Variants in RBM26 observed in about 807,000 individuals in gnomAD.
RBM26 encodes the protein RNA-binding protein 26.
A neutral mutation model predicts 123.6 loss-of-function variants in RBM26; 30 were observed. The observed-to-expected ratio is 0.24, with a 90% CI of 0.18 to 0.33. The LOEUF (loss-of-function observed/expected upper bound fraction) is 0.33, where lower values mean the gene tolerates loss of function less well. Ranked by LOEUF, RBM26 falls within the 10% of genes least tolerant of loss-of-function variation. The probability of loss-of-function intolerance (pLI) is 1.00; values close to 1 mark genes in which losing one functional copy is unlikely to be tolerated. For missense variants in RBM26, 947 were observed against 1,203.6 expected, an observed-to-expected ratio of 0.79 and a Z score of 3.15; for synonymous variants, 400 against 404.4, an observed-to-expected ratio of 0.99 and a Z score of 0.13.
chr13:79,366,195 C>G lies in RBM26; in HGVS notation c.1136G>C (p.Gly379Ala). 6.2e-7 allele frequency: 1 copy of G among 1,607,366 alleles called. No homozygotes were observed. Among genetic ancestry groups the G allele is most frequent in the Non-Finnish European group, 8.5e-7 (1 of 1,177,934 alleles). Residue 379 changes from glycine to alanine, a missense_variant and splice_region_variant, in exon 8 of 22, where the codon GGA (glycine) becomes GCA (alanine). By Grantham distance (60) the Gly-to-Ala change is moderately conservative. Transcript: ENST00000438737. ...PLPPSLPPVT[G>A]PPPPLPPLQP... is the part of the protein sequence containing the mutation. ...CAAAGGAGGAAGTGGAGGTGGTGGT[C>G]CTGTCAAAACCAAAGAATAAGAAAT...
rs998379894 is a variant in RBM26, at chr13:79,319,864, A to T, written c.*757T>A. 5.1e-6 allele frequency: 5 copies of T among 976,488 alleles called. No homozygotes were observed. Among genetic ancestry groups the T allele is most frequent in the Non-Finnish European group, 6.1e-6 (5 of 824,986 alleles). The allele number at this position is 976,488 out of a possible 1,614,324, so 60.5% of individuals were successfully genotyped here. On this transcript the variant is annotated 3_prime_UTR_variant, in exon 22 of 22. Transcript: ENST00000438737. Reference sequence around the variant, plus strand: ...TTGTGATAATTGGGGGGAAGGGTAGATCACCATCTGGAATGGTCTATTTTA... The same window carrying T: ...TTGTGATAATTGGGGGGAAGGGTAGTTCACCATCTGGAATGGTCTATTTTA...
chr13:79,325,733 T>G (rs2068294503), intron 20 of RBM26, among the ~76,000 whole-genome samples: 1 of 152,160 alleles, frequency 6.6e-6, no homozygotes, highest in Non-Finnish European at 1.5e-5. Context: ...ATAGCCTAAG[T>G]GTACAGTGTT....
intron 5 of RBM26, 41 bp from the exon 6 acceptor site, chr13:79,369,031 T>TA (rs10710579): frequency 0.013 from 12,881 of 1,024,962 alleles, 1 homozygote; most frequent in East Asian, 0.021. Context: ...TACACTGTAT[T>TA]AAAAAAAAAA....
chr13:79,315,707 T>C (rs921519181), downstream of RBM26, among the ~76,000 whole-genome samples: 1 of 151,858 alleles, frequency 6.6e-6, no homozygotes, highest in Non-Finnish European at 1.5e-5. Context: ...GCACATAATA[T>C]GGATAAACTG....
At chr13:79,334,109 C>G (rs2069899164) in intron 20 of RBM26, among the ~76,000 whole-genome samples, 1 of 152,180 alleles carries the variant, frequency 6.6e-6, no homozygotes, top group African/African-American at 2.4e-5. Context: ...CACGACAGCA[C>G]AATTTGACAT....
intron 9 of RBM26, among the ~76,000 whole-genome samples, chr13:79,363,286 C>T (rs571740136): frequency 2.0e-5 from 3 of 152,160 alleles, no homozygotes; most frequent in Non-Finnish European, 4.4e-5. Flanking sequence ...CTATTAGGAA[C>T]GTGTAATAAT....
chr13:79,316,745 A>G (rs536856302), downstream of RBM26, among the ~76,000 whole-genome samples: 1 of 151,836 alleles, frequency 6.6e-6, no homozygotes, highest in African/African-American at 2.4e-5. Context: ...TGGGTGAAAT[A>G]AGTAAAACGA....
chr13:79,317,509 A>G (rs935081303), downstream of RBM26, among the ~76,000 whole-genome samples: 3 of 151,694 alleles, frequency 2.0e-5, no homozygotes, highest in Middle Eastern at 6.8e-3. Context: ...CAAAAACTAA[A>G]TATCATATAA....
chr13:79,371,202 A>G, intron 4 of RBM26, 40 bp from the exon 5 acceptor site: 1 of 1,508,876 alleles, frequency 6.6e-7, no homozygotes, highest in Non-Finnish European at 9.1e-7. Context: ...AATAATTTTT[A>G]AGTGACACAG....
exon 5 of RBM26, chr13:79,313,487 G>C (rs1050807553): frequency 6.6e-6 from 1 of 151,838 alleles, no homozygotes; most frequent in African/African-American, 2.4e-5. Flanking sequence ...ACCAAGTTTA[G>C]TGTCTTCAGA....
chr13:79,324,101 C>T (rs9545068), intron 20 of RBM26, among the ~76,000 whole-genome samples: 76,473 of 151,408 alleles, frequency 0.51, 19,707 homozygotes, highest in Middle Eastern at 0.6. Context: ...TTTCAGGCCA[C>T]GTAATGTAAA....
At chr13:79,322,098 C>T (rs80185968) in intron 21 of RBM26, among the ~76,000 whole-genome samples, 4,915 of 151,394 alleles carry the variant, frequency 0.032, 119 homozygotes, top group Middle Eastern at 0.078. Context: ...AATGAATAAT[C>T]ATTGTCTCTA....
chr13:79,333,707 T>A (rs941010380), intron 20 of RBM26, among the ~76,000 whole-genome samples: 1 of 152,148 alleles, frequency 6.6e-6, no homozygotes, highest in South Asian at 2.1e-4. Context: ...CCTTTTTTTT[T>A]AATCTTTGAA....
intron 9 of RBM26, 81 bp downstream of exon 9, chr13:79,365,497 G>T: frequency 1.8e-6 from 2 of 1,136,046 alleles, no homozygotes; most frequent in Non-Finnish European, 2.6e-6. Flanking sequence ...CCCAATAAAG[G>T]CAAGACCAAC....
chr13:79,341,957 C>T (rs529024284), intron 17 of RBM26, among the ~76,000 whole-genome samples: 1 of 151,896 alleles, frequency 6.6e-6, no homozygotes, highest in East Asian at 1.9e-4. Context: ...AACGTAAATA[C>T]ATTTGAATTT....
Position 79,320,660 on chromosome 13 carries a change from TTCA to T in RBM26, c.2982_2984del (p.Asp994del). On this transcript the variant is annotated inframe_deletion, in exon 22 of 22. Coordinates refer to ENST00000438737, the MANE Select transcript of RBM26 (RefSeq NM_001366735.2). Reference sequence around the variant, plus strand: ...AACGAGATTCATTGTCCTCTTCTTCTTCATCATCATCTTGAAGTAATGAGTCAT... The same window carrying T: ...AACGAGATTCATTGTCCTCTTCTTCTTCATCATCTTGAAGTAATGAGTCAT... 6.2e-7 allele frequency: 1 copy of T among 1,600,678 alleles called. No individual in the cohort carries two copies. The highest frequency in any genetic ancestry group is 1.7e-5 in the Admixed American group (1 of 58,194).
chr13:79,383,151 C>A (rs181775935), intron 1 of RBM26, among the ~76,000 whole-genome samples: 6 of 76,828 alleles, frequency 7.8e-5, no homozygotes, highest in African/African-American at 2.9e-4. Context: ...GAGGGTTCTC[C>A]TTCATTAGAA....
In RBM26 at chr13:79,366,577, T is replaced by C. The variant is rs974752349; in HGVS notation, c.1135+56A>G. 1.2e-5 allele frequency: 18 copies of C among 1,466,682 alleles called. No homozygotes were observed. The Middle Eastern group carries it at 2.7e-3, about 223-fold the overall frequency. The allele number at this position is 1,466,682 out of a possible 1,614,324, so 90.9% of individuals were successfully genotyped here. A position where few individuals can be genotyped will look rare whatever the true frequency, so the allele number is the denominator to read the frequency against. On this transcript the variant is annotated intron_variant, in intron 7 of 21. Transcript: ENST00000438737. ...TTTAATTTAAGAATCTATTAAGTTT[T>C]AAAAATAGACTAAGAATGGCTAGAT... is the stretch of plus-strand genomic sequence containing the variant.
At chr13:79,352,469 A>C (rs1179408285) in intron 14 of RBM26, among the ~76,000 whole-genome samples, 1 of 38,076 alleles carries the variant, frequency 2.6e-5, no homozygotes, top group Non-Finnish European at 6.2e-5. Context: ...ACCTAAACAA[A>C]AAAAAAAAAT....
Sources: allele counts gnomAD v4.1 joint callset (sites outside exome capture counted in the v4.1 genomes callset), GRCh38; gene constraint gnomAD v4.1.1; transcripts MANE v1.5; gene names NCBI Gene and HGNC (gene_info 2026-07-23, HGNC 2026-07-21).